ORC1: variants seen among roughly 807,000 people sequenced by gnomAD.
ORC1 encodes origin recognition complex subunit 1, also known as origin recognition complex, subunit 1 homolog.
ORC1 carries 61 observed loss-of-function variants against 98.9 expected under a neutral mutation model. The observed-to-expected ratio is 0.62, with a 90% confidence interval of 0.50 to 0.76. ORC1 has a LOEUF of 0.76. ORC1 is among the 30% of genes least tolerant of loss of function. The pLI, the probability that ORC1 is intolerant of heterozygous loss-of-function variation, is 0.00. For missense variants in ORC1, 979 were observed against 1,072.2 expected (o/e 0.91, Z 1.21); for synonymous variants, 385 against 406.9 (o/e 0.95, Z 0.65).
chr1:52,404,597 C>G (rs986849226), upstream of ORC1: 2 of 732,290 alleles, frequency 2.7e-6, no homozygotes, highest in Admixed American at 6.1e-5. Context: ...GAGCGGAAGC[C>G]CTTTACACTA....
At chr1:52,399,231 G>A (rs1647575686) in intron 3 of ORC1, among the ~76,000 whole-genome samples, 1 of 152,190 alleles carries the variant, frequency 6.6e-6, no homozygotes, top group African/African-American at 2.4e-5. Flanking sequence ...GCTCACGTCT[G>A]TAATCACAGT....
At chr1:52,382,875 C>A (rs946134205) in intron 13 of ORC1, among the ~76,000 whole-genome samples, 2 of 151,386 alleles carry the variant, frequency 1.3e-5, no homozygotes, top group African/African-American at 4.9e-5. Flanking sequence ...CCACTGTGCC[C>A]AGCCTAAAAC....
At chr1:52,402,306 C>A (rs777533276) in intron 1 of ORC1, 78 bp from the exon 2 acceptor site, 2 of 1,063,784 alleles carry the variant, frequency 1.9e-6, no homozygotes, top group Non-Finnish European at 2.9e-6. Flanking sequence ...CATAGTCAGT[C>A]CCTCCCTTCA....
At chr1:52,408,948 G>A (rs1648074025), upstream of ORC1, 1 of 327,384 alleles carries the variant, frequency 3.1e-6, no homozygotes, top group Non-Finnish European at 5.7e-6. Flanking sequence ...TGCATCATAT[G>A]CCCCCTTTAC....
intron 3 of ORC1, 96 bp from the exon 4 acceptor site, chr1:52,397,959 C>T (rs907154902): frequency 3.7e-5 from 45 of 1,206,838 alleles, no homozygotes; most frequent in Admixed American, 3.7e-4. Context: ...TAACCCTTGA[C>T]ATGTGTGGTT....
At chr1:52,392,131 A>C (rs1647223845) in intron 6 of ORC1, among the ~76,000 whole-genome samples, 2 of 151,620 alleles carry the variant, frequency 1.3e-5, no homozygotes, top group Non-Finnish European at 2.9e-5. Flanking sequence ...TGAAAAGGGA[A>C]CACTTCTTTT....
intron 7 of ORC1, among the ~76,000 whole-genome samples, 173 bp from the exon 8 acceptor site, chr1:52,388,810 C>T (rs1647176515): frequency 6.6e-6 from 1 of 152,014 alleles, no homozygotes. Context: ...TCTCATTAAA[C>T]CCCTCAACAA....
At chr1:52,397,973 T>C in intron 3 of ORC1, 110 bp from the exon 4 acceptor site, 3 of 1,060,190 alleles carry the variant, frequency 2.8e-6, no homozygotes, top group Non-Finnish European at 2.9e-6. Flanking sequence ...TGTGGTTTTG[T>C]TTTTTGTTTT....
At chr1:52,384,419 C>G in intron 11 of ORC1, 131 bp downstream of exon 11, 1 of 851,164 alleles carries the variant, frequency 1.2e-6, no homozygotes, top group Non-Finnish European at 2.0e-6. Context: ...CTTGCCCTTG[C>G]TACCTCTACA....
rs755457464 is a variant in ORC1, at chr1:52,374,849, C to G, written c.2352G>C (p.Glu784Asp). 1 of 1,614,024 alleles carries G rather than the reference C, an allele frequency of 6.2e-7. No individual in the cohort carries two copies. The highest frequency in any genetic ancestry group is 1.7e-5 in the Admixed American group (1 of 60,022). ...CTTCCTCCAGTCCTGATCGACGGAA[C>G]TCTGCGAGGATGGCTCTCAGGAAGC... ...EQSFLRAILAEFRRSGLEEAT... is the reference protein window; with the variant it reads ...EQSFLRAILADFRRSGLEEAT... Residue 784 changes from glutamate (E) to aspartate (D), a missense_variant, in exon 16 of 17, where the codon GAG (glutamate) becomes GAC (aspartate). Coordinates refer to ENST00000371568, the MANE Select transcript of ORC1 (RefSeq NM_004153.4).
intron 14 of ORC1, among the ~76,000 whole-genome samples, chr1:52,377,333 G>T: frequency 6.6e-6 from 1 of 152,062 alleles, no homozygotes; most frequent in Admixed American, 6.6e-5. Context: ...GGAGTGCAGT[G>T]GCATGATCAT....
rs970589988 is a variant in ORC1, at chr1:52,402,140, G to A, written c.84C>T (p.Tyr28=). The change falls in exon 2 of 17, where the codon TAC becomes TAT. Residue 28 remains tyrosine, a synonymous_variant. Coordinates refer to ENST00000371568, the MANE Select transcript of ORC1 (RefSeq NM_004153.4). ...GRPLLDRKLH[Y]QTYREMCVKT... ...ACCCCATCACTCACCTATAGGTTTG[G>A]TAGTGCAGTTTTCGATCCAACAAGG... 6.2e-6 allele frequency: 10 copies of A among 1,613,372 alleles called. No individual in the cohort carries two copies. Among genetic ancestry groups the A allele is most frequent in the Middle Eastern group, 3.3e-4 (2 of 6,082 alleles).
In ORC1 at chr1:52,386,407, G is replaced by A. The variant is rs138915537; in HGVS notation, c.1384-458C>T. The stretch of plus-strand genomic sequence containing the variant: ...CCAGGACTTCCATGGCCCACGGTGC[G>A]GGACCTGGAGAAACCTTGGCAGATT... On this transcript the variant is annotated intron_variant, in intron 8 of 16. Transcript: ENST00000371568. Among the ~76,000 whole-genome samples the A allele has an allele frequency of 2.5e-3, 388 of 152,182 alleles. 2 individuals carry two copies. The highest frequency in any genetic ancestry group is 9.0e-3 in the African/African-American group (375 of 41,516).
At chr1:52,383,161 G>A (rs543956168) in intron 13 of ORC1, among the ~76,000 whole-genome samples, 9 of 151,604 alleles carry the variant, frequency 5.9e-5, no homozygotes, top group East Asian at 3.9e-4. Flanking sequence ...CTCTGCCTCC[G>A]GAGTTCAAGC....
intron 14 of ORC1, among the ~76,000 whole-genome samples, chr1:52,378,608 G>A (rs1003065928): frequency 2.0e-5 from 3 of 151,958 alleles, no homozygotes; most frequent in Non-Finnish European, 4.4e-5. Flanking sequence ...AGGTTGCAGT[G>A]AGCCAAGATT....
chr1:52,385,310 CCCAA>C (rs1217887857), intron 9 of ORC1, 48 bp from the exon 10 acceptor site: 1 of 1,149,286 alleles, frequency 8.7e-7, no homozygotes, highest in East Asian at 2.3e-5. Context: ...AGGAACATTC[CCCAA>C]CCATCTACTC....
chr1:52,378,594 G>T (rs1044954814), intron 14 of ORC1, among the ~76,000 whole-genome samples: 3 of 151,740 alleles, frequency 2.0e-5, no homozygotes, highest in African/African-American at 7.3e-5. Context: ...AACCTGGGAG[G>T]CGGAGGTTGC....
intron 3 of ORC1, among the ~76,000 whole-genome samples, chr1:52,401,102 C>G (rs1203133828): frequency 1.3e-5 from 2 of 151,912 alleles, no homozygotes; most frequent in Non-Finnish European, 2.9e-5. Flanking sequence ...CCATCCCCCC[C>G]AATTCTGCCT....
chr1:52,406,234 T>TC (rs879452995), upstream of ORC1, among the ~76,000 whole-genome samples: 242 of 150,290 alleles, frequency 1.6e-3, 3 homozygotes, highest in East Asian at 9.4e-3. Flanking sequence ...GGTAATCCCC[T>TC]CCCCCCCCGG....
Sources: gnomAD v4.1 joint callset for allele counts (sites outside exome capture counted in the v4.1 genomes callset) on GRCh38, gnomAD v4.1.1 for gene constraint, MANE v1.5 for transcripts, NCBI Gene and HGNC (gene_info 2026-07-23, HGNC 2026-07-21) for gene names.